The following CIAPIN1 variants were observed in gnomAD, a reference collection of about 807,000 sequenced individuals.
CIAPIN1 encodes cytokine induced apoptosis inhibitor 1, also known as anamorsin.
CIAPIN1 carries 18 observed loss-of-function variants against 34.3 expected under a neutral mutation model. That is an observed-to-expected ratio of 0.52 (90% CI 0.36 to 0.78). The LOEUF is 0.78. Ranked by LOEUF, CIAPIN1 falls within the 30% of genes least tolerant of loss-of-function variation. CIAPIN1 has a pLI of 0.00. For synonymous variants in CIAPIN1, 131 were observed against 140.4 expected, an observed-to-expected ratio of 0.93 and a Z score of 0.47; for missense variants, 310 against 372.5, an observed-to-expected ratio of 0.83 and a Z score of 1.38.
intron 1 of CIAPIN1, among the ~76,000 whole-genome samples, chr16:57,443,968 G>C (rs1323361104): frequency 2.0e-5 from 3 of 152,120 alleles, no homozygotes; most frequent in African/African-American, 7.2e-5. Flanking sequence ...GTTGGAATAG[G>C]TTCTTCCTTG....
intron 3 of CIAPIN1, among the ~76,000 whole-genome samples, chr16:57,437,915 GTTTT>G (rs146655340): frequency 0.068 from 10,266 of 152,024 alleles, 566 homozygotes; most frequent in African/African-American, 0.15. Context: ...CATTATTATT[GTTTT>G]TTTATCACTC....
chr16:57,438,473 C>T (rs372828999), intron 3 of CIAPIN1, among the ~76,000 whole-genome samples: 2 of 152,190 alleles, frequency 1.3e-5, no homozygotes, highest in South Asian at 4.1e-4. Context: ...CGTCCCTCCC[C>T]ACAGTTAACA....
chr16:57,447,351 G>A lies in CIAPIN1; in HGVS notation c.-65C>T, dbSNP rs1242547502. On this transcript the variant is annotated 5_prime_UTR_variant, in exon 1 of 9. Coordinates refer to ENST00000394391, the MANE Select transcript of CIAPIN1 (RefSeq NM_020313.4). ...CCCCCACCACTCTCACCTGCCGCCT[G>A]GGCTCGCTCCCGGCTTCTCTCCAGC... 1.5e-6 allele frequency: 1 copy of A among 646,690 alleles called. No homozygotes were observed. The highest frequency in any genetic ancestry group is 4.4e-5 in the Admixed American group (1 of 22,918). 40.1% of individuals were successfully genotyped at this position (646,690 alleles called of 1,614,324 possible).
At chr16:57,445,834 G>GTTTT (rs751037117) in intron 1 of CIAPIN1, among the ~76,000 whole-genome samples, 10 of 70,494 alleles carry the variant, frequency 1.4e-4, no homozygotes, top group South Asian at 6.7e-4. Context: ...GACCTTAGAG[G>GTTTT]TTTTTTTTTT....
chr16:57,437,148 T>A (rs906447106), intron 3 of CIAPIN1, among the ~76,000 whole-genome samples: 13 of 151,910 alleles, frequency 8.6e-5, no homozygotes, highest in East Asian at 1.9e-4. Flanking sequence ...AAAAAAAAAA[T>A]AATAACCTAT....
At chr16:57,431,642 G>T (rs1903089596) in intron 6 of CIAPIN1, among the ~76,000 whole-genome samples, 1 of 152,058 alleles carries the variant, frequency 6.6e-6, no homozygotes, top group Non-Finnish European at 1.5e-5. Flanking sequence ...ACGTGAAAAA[G>T]GGAATAAAAT....
In CIAPIN1 at chr16:57,432,528, G is replaced by A. The variant is rs1019612099; in HGVS notation, c.589C>T (p.Leu197=). The A allele has an allele frequency of 1.4e-5, 22 of 1,613,174 alleles. No individual in the cohort carries two copies. Among genetic ancestry groups the A allele is most frequent in the Non-Finnish European group, 1.9e-5 (22 of 1,179,926 alleles). ...ATATCGTTGGCTGAGAGGGTCCACA[G>A]CTTGGCAGCAGCAGGGTCCACAGCA... The part of the protein sequence containing the change: ...KPAVDPAAAK[L]WTLSANDMED... The change falls in exon 6 of 9, where the codon CTG becomes TTG. Residue 197 remains leucine, a synonymous_variant. Transcript: ENST00000394391.
intron 5 of CIAPIN1, among the ~76,000 whole-genome samples, chr16:57,433,298 G>C (rs1004068132): frequency 4.6e-5 from 7 of 152,176 alleles, no homozygotes; most frequent in Non-Finnish European, 7.3e-5. Flanking sequence ...TGTCACAGCT[G>C]GATGCTCATA....
Position 57,434,161 on chromosome 16 carries a change from G to C in CIAPIN1, c.439C>G (p.Leu147Val), listed in dbSNP as rs1234793124. ...AGCAGGTTGTCACTTTCATGACCAA[G>C]GTGTTCTCGAACAGACTGTACTTCC... ...PEEVQSVREH[L>V]GHESDNLLFV... The change falls in exon 5 of 9, where the codon CTT becomes GTT. Residue 147 changes from leucine (L) to valine (V), a missense_variant. Transcript: ENST00000394391. 1.2e-6 allele frequency: 2 copies of C among 1,613,994 alleles called. No individual in the cohort carries two copies.
chr16:57,435,664 C>A (rs1903183781), intron 4 of CIAPIN1, among the ~76,000 whole-genome samples: 4 of 152,130 alleles, frequency 2.6e-5, no homozygotes, highest in Admixed American at 2.6e-4. Context: ...TGTGGTGGCG[C>A]ACGCCTGTAA....
chr16:57,436,949 C>T (rs910600444), intron 3 of CIAPIN1, among the ~76,000 whole-genome samples: 8 of 151,820 alleles, frequency 5.3e-5, no homozygotes, highest in Non-Finnish European at 1.2e-4. Flanking sequence ...AGCAAAATCC[C>T]GTCTCTACTA....
In CIAPIN1 at chr16:57,439,312, A is replaced by G. The variant is rs766052687; in HGVS notation, c.180T>C (p.Phe60=). The stretch of plus-strand genomic sequence containing the variant: ...GGACTAAACCTGACAAAATAATGTC[A>G]AAGCTGGATTCTTTGTGGGCAGCTG... The part of the protein sequence containing the change: ...LLQSAHKESS[F]DIILSGLVPG... Residue 60 remains phenylalanine (F), a synonymous_variant, in exon 3 of 9, where the codon TTT becomes TTC. Transcript: ENST00000394391. 4.3e-6 allele frequency: 7 copies of G among 1,614,192 alleles called. No homozygotes were observed. In the South Asian group the frequency reaches 6.6e-5, roughly 15 times the overall value.
chr16:57,433,217 A>T (rs1903127042), intron 5 of CIAPIN1, among the ~76,000 whole-genome samples: 1 of 152,194 alleles, frequency 6.6e-6, no homozygotes, highest in Non-Finnish European at 1.5e-5. Context: ...AGAGGCAGAG[A>T]GCTGAGGCTC....
chr16:57,432,706 C>T (rs1903116943), intron 5 of CIAPIN1, 146 bp from the exon 6 acceptor site: 2 of 672,668 alleles, frequency 3.0e-6, no homozygotes, highest in African/African-American at 1.8e-5. Flanking sequence ...AGCTCTACCC[C>T]TCTGAGAGGT....
chr16:57,440,501 C>T (rs1157139820), intron 2 of CIAPIN1, among the ~76,000 whole-genome samples: 1 of 152,078 alleles, frequency 6.6e-6, no homozygotes, highest in Non-Finnish European at 1.5e-5. Context: ...TGATGTCTCC[C>T]CCGGACACCC....
rs943615383 is a variant in CIAPIN1, at chr16:57,430,775, A to G, written c.746+376T>C. 1.8e-4 allele frequency: 41 copies of G among 233,892 alleles called. 1 individual carries two copies. The highest frequency in any genetic ancestry group is 1.5e-4 in the Admixed American group (3 of 19,908). 14.5% of individuals were successfully genotyped at this position (233,892 alleles called of 1,614,324 possible). On this transcript the variant is annotated intron_variant, in intron 7 of 8. Coordinates refer to ENST00000394391, the MANE Select transcript of CIAPIN1 (RefSeq NM_020313.4). ...TAACTTTCTACAATCCTTCCCATCCATTTATAAAAACAAATGTGAAGACAC... is the reference window on the plus strand; with the variant it reads ...TAACTTTCTACAATCCTTCCCATCCGTTTATAAAAACAAATGTGAAGACAC...
chr16:57,437,163 T>C (rs1258604307), intron 3 of CIAPIN1, among the ~76,000 whole-genome samples: 2 of 152,052 alleles, frequency 1.3e-5, no homozygotes, highest in African/African-American at 4.8e-5. Context: ...ACCTATTCTG[T>C]TTAATGTACA....
Position 57,431,251 on chromosome 16 carries a change from C to A in CIAPIN1, c.646G>T (p.Asp216Tyr). Residue 216 changes from aspartate to tyrosine, a missense_variant, in exon 7 of 9, where the codon GAT (aspartate) becomes TAT (tyrosine). Coordinates refer to ENST00000394391, the MANE Select transcript of CIAPIN1 (RefSeq NM_020313.4). ...EDDSMDLIDS[D>Y]ELLDPEDLKK... Reference sequence around the variant, plus strand: ...AAATCTTCTGGATCCAGCAGCTCATCTGAGTCAATGAGATCCTGGAGAGTG... The same window carrying A: ...AAATCTTCTGGATCCAGCAGCTCATATGAGTCAATGAGATCCTGGAGAGTG... 1 of 1,612,280 alleles carries A rather than the reference C, an allele frequency of 6.2e-7. No homozygotes were observed.
At chr16:57,430,380 ACC>A (rs1426972157) in intron 7 of CIAPIN1, 41 bp from the exon 8 acceptor site, 2 of 1,595,772 alleles carry the variant, frequency 1.3e-6, no homozygotes, top group Admixed American at 3.3e-5. Context: ...AATTGTCACC[ACC>A]CAGAAATCCC....
Sources: gnomAD v4.1 joint callset for allele counts (sites outside exome capture counted in the v4.1 genomes callset) on GRCh38, gnomAD v4.1.1 for gene constraint, MANE v1.5 for transcripts, NCBI Gene and HGNC (gene_info 2026-07-23, HGNC 2026-07-21) for gene names.